Variants in KATNIP observed in about 807,000 individuals in gnomAD.
The protein encoded by KATNIP is katanin-interacting protein.
A neutral mutation model predicts 174.0 loss-of-function variants in KATNIP; 126 were observed. The ratio of observed to expected loss-of-function variants is 0.72; its 90% CI spans 0.63 to 0.84. The LOEUF is 0.84. Ranked by LOEUF, KATNIP falls within the 40% of genes least tolerant of loss-of-function variation. KATNIP has a pLI of 0.00. For synonymous variants in KATNIP, 810 were observed against 835.7 expected, an observed-to-expected ratio of 0.97 and a Z score of 0.53; for missense variants, 1,958 against 2,109.7, an observed-to-expected ratio of 0.93 and a Z score of 1.41.
chr16:27,637,345 A>T lies in KATNIP; in HGVS notation c.408+6183A>T, dbSNP rs944205374. Among the ~76,000 whole-genome samples, 2 of 152,164 alleles carry T rather than the reference A, an allele frequency of 1.3e-5. No homozygotes were observed. The highest frequency in any genetic ancestry group is 1.5e-5 in the Non-Finnish European group (1 of 68,032). On this transcript the variant is annotated intron_variant, in intron 5 of 27. Transcript: ENST00000261588. This position sits in a 1 kb window ranked among gnomAD's most constrained non-coding sequence, Gnocchi z 4.7. ...ACTTACAGATGCCGGGTTCCAAGCA[A>T]TAAGTGAGGCCAGCCCTGCTCTCCT... is the stretch of plus-strand genomic sequence containing the variant.
intron 14 of KATNIP, among the ~76,000 whole-genome samples, chr16:27,733,468 C>T (rs1490375031): frequency 6.6e-6 from 1 of 151,706 alleles, no homozygotes; most frequent in African/African-American, 2.4e-5. Flanking sequence ...TTTCAAAATC[C>T]ATTGCAAAGG....
At chr16:27,767,150 G>A (rs1477451188) in intron 20 of KATNIP, among the ~76,000 whole-genome samples, 2 of 152,056 alleles carry the variant, frequency 1.3e-5, no homozygotes, top group African/African-American at 2.4e-5. Flanking sequence ...TGAGGCCACC[G>A]AAAGGTAGCA....
chr16:27,648,307 A>C (rs921091037), intron 5 of KATNIP, among the ~76,000 whole-genome samples: 18 of 151,936 alleles, frequency 1.2e-4, no homozygotes, highest in African/African-American at 4.3e-4. Context: ...AAAAAAAAAA[A>C]GAACAGAATT....
intron 1 of KATNIP, among the ~76,000 whole-genome samples, chr16:27,553,041 C>T (rs1048604328): frequency 6.6e-6 from 1 of 152,144 alleles, no homozygotes; most frequent in Non-Finnish European, 1.5e-5. Context: ...CATCTGAAGC[C>T]TTATAGGTGA....
At chr16:27,624,990 C>T (rs1041940753) in intron 3 of KATNIP, among the ~76,000 whole-genome samples, 1 of 152,118 alleles carries the variant, frequency 6.6e-6, no homozygotes, top group Non-Finnish European at 1.5e-5. Flanking sequence ...AAAGTTGAAC[C>T]GGCAAGCCAG....
chr16:27,727,202 G>T, intron 14 of KATNIP: 1 of 223,046 alleles, frequency 4.5e-6, no homozygotes, highest in Admixed American at 4.5e-5. Context: ...TTGTTTGTTT[G>T]TTTTTCTAGA....
intron 21 of KATNIP, 145 bp downstream of exon 21, chr16:27,770,163 A>C: frequency 2.0e-6 from 2 of 1,009,302 alleles, no homozygotes; most frequent in Non-Finnish European, 1.4e-6. Flanking sequence ...TCTAAAGCTC[A>C]GCCAAGCCTC....
At chr16:27,652,774 T>C (rs983157420) in intron 6 of KATNIP, among the ~76,000 whole-genome samples, 1 of 148,534 alleles carries the variant, frequency 6.7e-6, no homozygotes, top group Non-Finnish European at 1.5e-5. Context: ...ATGGAGCCAC[T>C]GTACTGCAGG....
chr16:27,572,461 G>T (rs983824603), intron 1 of KATNIP, among the ~76,000 whole-genome samples: 1 of 151,516 alleles, frequency 6.6e-6, no homozygotes, highest in African/African-American at 2.4e-5. Context: ...GGGAATCCTG[G>T]CCTCTGTTAG....
chr16:27,614,638 T>A (rs567591096), intron 2 of KATNIP, among the ~76,000 whole-genome samples: 1 of 152,280 alleles, frequency 6.6e-6, no homozygotes, highest in African/African-American at 2.4e-5. Flanking sequence ...TCTTATAATT[T>A]CATTATGTCA....
intron 5 of KATNIP, among the ~76,000 whole-genome samples, chr16:27,634,861 G>A (rs1311260520): frequency 1.3e-5 from 2 of 152,206 alleles, no homozygotes; most frequent in African/African-American, 4.8e-5. Context: ...AGCAGAGAGA[G>A]AGATTTAATT....
chr16:27,674,286 C>CA (rs528768741), intron 6 of KATNIP, among the ~76,000 whole-genome samples: 318 of 152,338 alleles, frequency 2.1e-3, no homozygotes, highest in African/African-American at 7.2e-3. Context: ...GTCAGAAATC[C>CA]AAAATCAGTT....
intron 1 of KATNIP, among the ~76,000 whole-genome samples, chr16:27,568,714 G>A (rs987473000): frequency 5.9e-5 from 9 of 151,922 alleles, no homozygotes; most frequent in South Asian, 2.1e-4. Flanking sequence ...CTGCCCGCCC[G>A]GGCCTCCCAA....
intron 6 of KATNIP, among the ~76,000 whole-genome samples, chr16:27,672,193 G>A (rs367578208): frequency 2.3e-4 from 35 of 152,140 alleles, no homozygotes; most frequent in Non-Finnish European, 3.4e-4. Flanking sequence ...CCTGTCCCCC[G>A]TGACTGCTGC....
intron 6 of KATNIP, among the ~76,000 whole-genome samples, chr16:27,675,041 G>A (rs1597137421): frequency 6.6e-6 from 1 of 152,278 alleles, no homozygotes; most frequent in Non-Finnish European, 1.5e-5. Flanking sequence ...ATACAATGGT[G>A]GATAGGTGTA....
At chr16:27,660,612 G>A (rs2077443743) in intron 6 of KATNIP, among the ~76,000 whole-genome samples, 1 of 150,180 alleles carries the variant, frequency 6.7e-6, no homozygotes, top group Admixed American at 6.7e-5. Flanking sequence ...ATAATAGTTT[G>A]TGGAGCTCTG....
At chr16:27,665,239 G>A (rs2077642104) in intron 6 of KATNIP, among the ~76,000 whole-genome samples, 1 of 151,716 alleles carries the variant, frequency 6.6e-6, no homozygotes, top group African/African-American at 2.4e-5. Flanking sequence ...GAGTAGCTGG[G>A]ATTATAGGCA....
intron 5 of KATNIP, among the ~76,000 whole-genome samples, chr16:27,631,690 TG>T (rs1415080773): frequency 6.6e-6 from 1 of 152,184 alleles, no homozygotes; most frequent in African/African-American, 2.4e-5. Context: ...CAGCCCCACT[TG>T]GGGGTATAGG....
At chr16:27,626,493 T>G (rs1026053711) in intron 3 of KATNIP, among the ~76,000 whole-genome samples, 2 of 152,232 alleles carry the variant, frequency 1.3e-5, no homozygotes, top group African/African-American at 2.4e-5. Context: ...AGTTTCAACA[T>G]CATCTTGCTA....
Sources: gnomAD v4.1 joint callset for allele counts (sites outside exome capture counted in the v4.1 genomes callset) on GRCh38, gnomAD v4.1.1 for gene constraint, Gnocchi (gnomAD v3.1) non-coding constraint, MANE v1.5 for transcripts, NCBI Gene and HGNC (gene_info 2026-07-23, HGNC 2026-07-21) for gene names.